ETV5: variants seen among roughly 807,000 people sequenced by gnomAD.
ETV5 encodes the protein ETS translocation variant 5.
Under a neutral mutation model 70.0 loss-of-function variants are expected in ETV5, and 10 were observed. That is an observed-to-expected ratio of 0.14 (90% CI 0.09 to 0.24). The LOEUF is 0.24. Among genes scored for constraint, ETV5 ranks in the 10% least tolerant of loss-of-function variants. The pLI is 1.00. For missense variants in ETV5, 453 were observed against 651.2 expected, an observed-to-expected ratio of 0.70 and a Z score of 3.31; for synonymous variants, 216 against 242.2, an observed-to-expected ratio of 0.89 and a Z score of 1.01.
At chr3:186,098,557 G>A (rs1284974621) in intron 5 of ETV5, among the ~76,000 whole-genome samples, 1 of 152,162 alleles carries the variant, frequency 6.6e-6, no homozygotes. Context: ...GAATGCTCAT[G>A]AGACATCAAA....
intron 5 of ETV5, among the ~76,000 whole-genome samples, chr3:186,097,448 C>G (rs944487520): frequency 2.0e-5 from 3 of 152,140 alleles, no homozygotes; most frequent in African/African-American, 4.8e-5. Flanking sequence ...GAAGAGCAGG[C>G]AGGAATCCTC....
At chr3:186,090,606 C>T (rs767812946) in intron 5 of ETV5, among the ~76,000 whole-genome samples, 21 of 152,098 alleles carry the variant, frequency 1.4e-4, no homozygotes, top group African/African-American at 2.2e-4. Context: ...ATGTAAAACA[C>T]GTTTAGGACA....
In ETV5 at chr3:186,105,888, A is replaced by T; in HGVS notation, c.-20T>A. On this transcript the variant is annotated 5_prime_UTR_variant, in exon 2 of 13. Coordinates refer to ENST00000306376, the MANE Select transcript of ETV5 (RefSeq NM_004454.3). This position sits in a 1 kb window ranked among gnomAD's most constrained non-coding sequence, Gnocchi z 4.5. ...GTCCATGGTGCTTTCAGCGTCTCTA[A>T]TACCACTTTGAGAGGTTTCAGCATT... 6.2e-7 allele frequency: 1 copy of T among 1,613,460 alleles called. No homozygotes were observed. The highest frequency in any genetic ancestry group is 8.5e-7 in the Non-Finnish European group (1 of 1,179,724).
At chr3:186,108,663 G>A (rs1714657255) in intron 1 of ETV5, 7 of 1,156,534 alleles carry the variant, frequency 6.1e-6, no homozygotes, top group East Asian at 1.6e-4. Flanking sequence ...GGGAGCCCCC[G>A]CACTCGCGCT....
chr3:186,093,292 A>C (rs565639321), intron 5 of ETV5, among the ~76,000 whole-genome samples: 119 of 152,342 alleles, frequency 7.8e-4, no homozygotes, highest in Non-Finnish European at 1.5e-3. Context: ...TACACTTTAC[A>C]GAAAAGGGCC....
At chr3:186,094,610 G>T (rs1714260221) in intron 5 of ETV5, among the ~76,000 whole-genome samples, 1 of 152,146 alleles carries the variant, frequency 6.6e-6, no homozygotes, top group South Asian at 2.1e-4. Flanking sequence ...GCCAAAAATG[G>T]AAACCTAGAT....
At chr3:186,078,202 G>A in intron 7 of ETV5, 1 of 1,051,374 alleles carries the variant, frequency 9.5e-7, no homozygotes, top group Non-Finnish European at 1.1e-6. Flanking sequence ...AATACAGTAT[G>A]TTACATAAGC....
At position 186,046,752 on chromosome 3, in the gene ETV5, T is replaced by C. The variant is rs1252477760; in HGVS notation, c.*1887A>G. On this transcript the variant is annotated 3_prime_UTR_variant, in exon 13 of 13. Coordinates refer to ENST00000306376, the MANE Select transcript of ETV5 (RefSeq NM_004454.3). ...ATACAGCATTTACAACAAATAAATC[T>C]CTAGCCAGCTGGGGGTAAAATATGC... 2 of 231,914 alleles carry C rather than the reference T, an allele frequency of 8.6e-6. No homozygotes were observed. Among genetic ancestry groups the C allele is most frequent in the Non-Finnish European group, 1.7e-5 (2 of 117,318 alleles). 14.4% of individuals were successfully genotyped at this position (231,914 alleles called of 1,614,324 possible).
At chr3:186,064,543 C>T in intron 8 of ETV5, 67 bp from the exon 9 acceptor site, 1 of 1,471,352 alleles carries the variant, frequency 6.8e-7, no homozygotes, top group South Asian at 1.1e-5. Context: ...GCACATCGGT[C>T]AACTGCAGCT....
chr3:186,101,231 T>C (rs1714449718), intron 5 of ETV5, among the ~76,000 whole-genome samples: 1 of 152,128 alleles, frequency 6.6e-6, no homozygotes, highest in Admixed American at 6.6e-5. Flanking sequence ...ATGTACACAG[T>C]TTTATCTGTA....
chr3:186,073,819 T>C (rs1175253726), intron 7 of ETV5, among the ~76,000 whole-genome samples: 2 of 152,174 alleles, frequency 1.3e-5, no homozygotes, highest in Non-Finnish European at 2.9e-5. Context: ...CAATCACTTC[T>C]AAACAAGGCA....
intron 5 of ETV5, among the ~76,000 whole-genome samples, chr3:186,085,121 C>T (rs184280530): frequency 0.024 from 1,874 of 79,148 alleles, 13 homozygotes; most frequent in Non-Finnish European, 0.03. Context: ...AAGTCACTTG[C>T]CACGTAAAGG....
intron 9 of ETV5, 98 bp downstream of exon 9, chr3:186,064,318 AG>A (rs890847897): frequency 1.3e-5 from 15 of 1,156,810 alleles, no homozygotes; most frequent in Non-Finnish European, 1.8e-5. Context: ...AAGCAAAGAA[AG>A]AGGAAGGAAG....
intron 1 of ETV5, chr3:186,108,505 A>G: frequency 7.8e-7 from 1 of 1,285,410 alleles, no homozygotes; most frequent in Non-Finnish European, 1.0e-6. Flanking sequence ...CGCCTCTCAG[A>G]CATTCCCCTC....
At chr3:186,059,457 G>A (rs1713253342) in intron 9 of ETV5, among the ~76,000 whole-genome samples, 2 of 152,202 alleles carry the variant, frequency 1.3e-5, no homozygotes, top group Admixed American at 1.3e-4. Flanking sequence ...GCATAGTACT[G>A]ATGGACTCCA....
chr3:186,058,175 A>C (rs1444475388), intron 9 of ETV5, among the ~76,000 whole-genome samples: 1 of 152,220 alleles, frequency 6.6e-6, no homozygotes, highest in Non-Finnish European at 1.5e-5. Context: ...AAAAGAAGGC[A>C]AGGCAAAAAG....
chr3:186,064,612 G>A, intron 8 of ETV5, 136 bp from the exon 9 acceptor site: 1 of 816,880 alleles, frequency 1.2e-6, no homozygotes. Context: ...CTTTGTCCTG[G>A]GAAAGAGGTG....
chr3:186,072,085 C>T (rs1578547587), intron 7 of ETV5, among the ~76,000 whole-genome samples: 1 of 150,584 alleles, frequency 6.6e-6, no homozygotes, highest in East Asian at 2.1e-4. Context: ...CAGGCGTCAG[C>T]CTGTAGCAGT....
intron 9 of ETV5, among the ~76,000 whole-genome samples, chr3:186,060,192 A>G (rs901559291): frequency 1.3e-5 from 2 of 152,188 alleles, no homozygotes; most frequent in Non-Finnish European, 2.9e-5. Context: ...CTTCTCCTCT[A>G]AGGTAAGAAA....
Sources: gnomAD v4.1 joint callset for allele counts (sites outside exome capture counted in the v4.1 genomes callset) on GRCh38, gnomAD v4.1.1 for gene constraint, Gnocchi (gnomAD v3.1) non-coding constraint, MANE v1.5 for transcripts, NCBI Gene and HGNC (gene_info 2026-07-23, HGNC 2026-07-21) for gene names.